HCFC2: variants seen among roughly 807,000 people sequenced by gnomAD.
HCFC2 encodes host cell factor 2.
Under a neutral mutation model 89.2 loss-of-function variants are expected in HCFC2, and 18 were observed. That is an observed-to-expected ratio of 0.20 (90% CI 0.14 to 0.30). The LOEUF (loss-of-function observed/expected upper bound fraction) is 0.30, where lower values mean the gene tolerates loss of function less well. Among genes scored for constraint, HCFC2 ranks in the 10% least tolerant of loss-of-function variants. The probability of loss-of-function intolerance (pLI) is 1.00; values close to 1 mark genes in which losing one functional copy is unlikely to be tolerated. For synonymous variants in HCFC2, 308 were observed against 335.7 expected, an observed-to-expected ratio of 0.92 and a Z score of 0.90; for missense variants, 578 against 956.1, an observed-to-expected ratio of 0.60 and a Z score of 5.21.
Position 104,064,729 on chromosome 12 carries a change from CGCG to C in HCFC2, c.163+15_163+17del, listed in dbSNP as rs1433256926. 2 of 1,546,934 alleles carry C rather than the reference CGCG, an allele frequency of 1.3e-6. No homozygotes were observed. The highest frequency in any genetic ancestry group is 1.7e-6 in the Non-Finnish European group (2 of 1,149,372). On this transcript the variant is annotated splice_region_variant and intron_variant, in intron 1 of 14. Transcript: ENST00000229330. The surrounding 1 kb of genome is among the most constrained non-coding windows in gnomAD (Gnocchi z 7.3). ...GCTGCACGTCTACAACACGGGTAGGCGCGGCGGCGGCTCGTCGGCCCCGCCTGC... is the reference window on the plus strand; with the variant it reads ...GCTGCACGTCTACAACACGGGTAGGCGCGGCGGCTCGTCGGCCCCGCCTGC...
At chr12:104,077,273 C>T (rs1487901817) in intron 3 of HCFC2, among the ~76,000 whole-genome samples, 2 of 150,680 alleles carry the variant, frequency 1.3e-5, no homozygotes, top group Admixed American at 6.6e-5. Context: ...GACGGAGTCT[C>T]GTTGTGTCAC....
intron 3 of HCFC2, among the ~76,000 whole-genome samples, chr12:104,077,908 C>T (rs1056790269): frequency 1.3e-5 from 2 of 152,142 alleles, no homozygotes; most frequent in East Asian, 3.8e-4. Context: ...ATTTAGATCT[C>T]ATAACCATAT....
In HCFC2 at chr12:104,105,876, T is replaced by G. The variant is rs1202461476; in HGVS notation, c.*2603T>G. On this transcript the variant is annotated 3_prime_UTR_variant, in exon 15 of 15. Transcript: ENST00000229330. ...TTTGCACTGAGTTAAATGACTTTCT[T>G]TACTCTTCCCAGTCAGGTAAGCAGT... 1 of 152,112 alleles carries G rather than the reference T, an allele frequency of 6.6e-6. No homozygotes were observed. Among genetic ancestry groups the G allele is most frequent in the Admixed American group, 6.5e-5 (1 of 15,276 alleles). The allele number at this position is 152,112 out of a possible 1,614,324, so 9.4% of individuals were successfully genotyped here.
chr12:104,086,793 C>A, intron 7 of HCFC2, 54 bp from the exon 8 acceptor site: 1 of 1,508,186 alleles, frequency 6.6e-7, no homozygotes. Flanking sequence ...ATTATATCAG[C>A]AAACCATTTA....
In HCFC2 at chr12:104,105,482, A is replaced by C. The variant is rs1256606376; in HGVS notation, c.*2209A>C. 6.6e-6 allele frequency: 1 copy of C among 152,060 alleles called. No individual in the cohort carries two copies. The highest frequency in any genetic ancestry group is 1.5e-5 in the Non-Finnish European group (1 of 67,934). 9.4% of individuals were successfully genotyped at this position (152,060 alleles called of 1,614,324 possible). A position where few individuals can be genotyped will look rare whatever the true frequency, so the allele number is the denominator to read the frequency against. ...GTGATTCTGAACCTGTGGTTCTAAC[A>C]TATGACTTAACTGTTTAGAGGGAAG... On this transcript the variant is annotated 3_prime_UTR_variant, in exon 15 of 15. Coordinates refer to ENST00000229330, the MANE Select transcript of HCFC2 (RefSeq NM_013320.3).
chr12:104,080,707 G>A (rs2136608248), intron 4 of HCFC2, 39 bp from the exon 5 acceptor site: 1 of 1,232,450 alleles, frequency 8.1e-7, no homozygotes, highest in Non-Finnish European at 1.2e-6. Flanking sequence ...ATTTACTCTT[G>A]TTAGATCAAG....
chr12:104,101,787 A>G (rs927329329), intron 13 of HCFC2, among the ~76,000 whole-genome samples, 181 bp from the exon 14 acceptor site: 2 of 152,100 alleles, frequency 1.3e-5, no homozygotes, highest in African/African-American at 4.8e-5. Context: ...TTATGGACTT[A>G]GTTGCTTGTC....
intron 3 of HCFC2, among the ~76,000 whole-genome samples, chr12:104,074,245 C>A (rs1358862339): frequency 6.6e-6 from 1 of 152,160 alleles, no homozygotes; most frequent in Non-Finnish European, 1.5e-5. Context: ...CTCAGACAGT[C>A]CCCCTGCCTC....
At chr12:104,099,760 G>A (rs1448683862) in intron 13 of HCFC2, among the ~76,000 whole-genome samples, 1 of 152,114 alleles carries the variant, frequency 6.6e-6, no homozygotes, top group Non-Finnish European at 1.5e-5. Flanking sequence ...CAACCTCCTG[G>A]GCTTAAGTTA....
At chr12:104,075,517 G>T (rs2136601673) in intron 3 of HCFC2, among the ~76,000 whole-genome samples, 1 of 143,670 alleles carries the variant, frequency 7.0e-6, no homozygotes, top group Non-Finnish European at 1.5e-5. Flanking sequence ...AGAGGGTGGT[G>T]ACACAATCAT....
In HCFC2 at chr12:104,096,388, G is replaced by A. The variant is rs750269283; in HGVS notation, c.1695G>A (p.Thr565=). 6.4e-5 allele frequency: 103 copies of A among 1,605,548 alleles called. 1 individual carries two copies. The highest frequency in any genetic ancestry group is 6.2e-4 in the East Asian group (28 of 44,846). Residue 565 remains threonine (T), a synonymous_variant, in exon 12 of 15, where the codon ACG becomes ACA. Transcript: ENST00000229330. ...EVDETYALPA[T]KISRVETHAT... is the part of the protein sequence containing the mutation. Reference sequence around the variant, plus strand: ...ATGAAACATATGCACTGCCTGCAACGAAGATCAGCCGTGTAGAGACACATG... The same window carrying A: ...ATGAAACATATGCACTGCCTGCAACAAAGATCAGCCGTGTAGAGACACATG...
intron 14 of HCFC2, among the ~76,000 whole-genome samples, 196 bp downstream of exon 14, chr12:104,102,349 A>G (rs2029973193): frequency 6.6e-6 from 1 of 152,206 alleles, no homozygotes; most frequent in Non-Finnish European, 1.5e-5. Flanking sequence ...TCAGGGGTAC[A>G]TGTGCAGGTT....
chr12:104,079,950 T>C (rs548313934), intron 4 of HCFC2, among the ~76,000 whole-genome samples: 1 of 152,340 alleles, frequency 6.6e-6, no homozygotes, highest in African/African-American at 2.4e-5. Context: ...AATAGTACAA[T>C]ACTCCCTTTC....
In HCFC2 at chr12:104,064,616, T is replaced by TC; in HGVS notation, c.61dup (p.Arg21ProfsTer23). 6.3e-7 allele frequency: 1 copy of TC among 1,576,614 alleles called. No individual in the cohort carries two copies. Among genetic ancestry groups the TC allele is most frequent in the South Asian group, 1.1e-5 (1 of 87,088 alleles). On this transcript the variant is annotated frameshift_variant, in exon 1 of 15. Coordinates refer to ENST00000229330, the MANE Select transcript of HCFC2 (RefSeq NM_013320.3). LOFTEE classifies it high-confidence loss of function. The surrounding 1 kb of genome is among the most constrained non-coding windows in gnomAD (Gnocchi z 7.3). ...CGAGTTTCTTCCTTCACGGGGCCGG[T>TC]CCCCCGCGCCCGGCACGGACACCGA... is the stretch of plus-strand genomic sequence containing the variant.
chr12:104,085,845 T>C (rs1404753482), intron 7 of HCFC2, among the ~76,000 whole-genome samples: 2 of 152,128 alleles, frequency 1.3e-5, no homozygotes. Context: ...CAAGCATTTA[T>C]TTGTTCTTAA....
chr12:104,077,319 C>T (rs1289362123), intron 3 of HCFC2, among the ~76,000 whole-genome samples: 2 of 151,828 alleles, frequency 1.3e-5, no homozygotes, highest in East Asian at 1.9e-4. Context: ...CTCGGCTCAC[C>T]GCAACCTCCA....
Position 104,082,522 on chromosome 12 carries a change from G to A in HCFC2, c.790G>A (p.Val264Ile), listed in dbSNP as rs749902760. Residue 264 changes from valine to isoleucine, a missense_variant, in exon 6 of 15, where the codon GTC becomes ATC. Physicochemically the swap from Val to Ile is conservative, Grantham distance 29. Coordinates refer to ENST00000229330, the MANE Select transcript of HCFC2 (RefSeq NM_013320.3). ...GNKMYIFGGW[V>I]PHKGENTETS... ...CAGGATGTACATTTTTGGTGGATGG[G>A]TCCCACATAAGGGGGAAAATACTGA... 10 of 1,610,290 alleles carry A rather than the reference G, an allele frequency of 6.2e-6. No individual in the cohort carries two copies. The highest frequency in any genetic ancestry group is 8.5e-6 in the Non-Finnish European group (10 of 1,176,772).
Position 104,068,036 on chromosome 12 carries a change from A to C in HCFC2, c.402A>C (p.Leu134Phe). ...PCPRLGHSFS[L>F]YGNKCYLFGG... is the part of the protein sequence containing the mutation. ...CTCGGCTTGGACATAGCTTCTCTTT[A>C]TATGGTAACAAATGCTATTTGTTTG... Residue 134 changes from leucine to phenylalanine, a missense_variant, in exon 3 of 15, where the codon TTA becomes TTC. Coordinates refer to ENST00000229330, the MANE Select transcript of HCFC2 (RefSeq NM_013320.3). The surrounding 1 kb of genome is among the most constrained non-coding windows in gnomAD (Gnocchi z 4.1). 6.2e-7 allele frequency: 1 copy of C among 1,604,966 alleles called. No homozygotes were observed. Among genetic ancestry groups the C allele is most frequent in the Non-Finnish European group, 8.5e-7 (1 of 1,176,550 alleles).
At chr12:104,101,639 G>C (rs1010381687) in intron 13 of HCFC2, among the ~76,000 whole-genome samples, 1 of 152,124 alleles carries the variant, frequency 6.6e-6, no homozygotes, top group African/African-American at 2.4e-5. Flanking sequence ...CATGATGATG[G>C]GATAGTTGTG....
Sources: gnomAD v4.1 joint callset for allele counts (sites outside exome capture counted in the v4.1 genomes callset) on GRCh38, gnomAD v4.1.1 for gene constraint, Gnocchi (gnomAD v3.1) non-coding constraint, MANE v1.5 for transcripts, NCBI Gene and HGNC (gene_info 2026-07-23, HGNC 2026-07-21) for gene names.